Variants in COL6A3 observed in about 807,000 individuals in gnomAD.
COL6A3 encodes the protein collagen type VI alpha 3 chain.
Under a neutral mutation model 274.1 loss-of-function variants are expected in COL6A3, and 137 were observed. That is an observed-to-expected ratio of 0.50 (90% CI 0.44 to 0.58). The LOEUF is 0.58. Among genes scored for constraint, COL6A3 ranks in the 20% least tolerant of loss-of-function variants. The pLI is 0.00. For missense variants in COL6A3, 3,950 were observed against 4,124.9 expected (o/e 0.96, Z 1.16); for synonymous variants, 1,650 against 1,650.6 (o/e 1.00, Z 0.01).
chr2:237,383,248 A>G (rs147629673), intron 4 of COL6A3, among the ~76,000 whole-genome samples: 12 of 152,356 alleles, frequency 7.9e-5, no homozygotes, highest in African/African-American at 2.6e-4. Context: ...GACAAGGTCT[A>G]TGTTCTAAGA....
intron 2 of COL6A3, among the ~76,000 whole-genome samples, chr2:237,396,075 G>A (rs2106390265): frequency 6.6e-6 from 1 of 152,296 alleles, no homozygotes; most frequent in African/African-American, 2.4e-5. Context: ...AGAGCAACCT[G>A]GCCTGGAGGA....
At position 237,336,409 on chromosome 2, in the gene COL6A3, CACAGGCTTTGTTGTGGTGGTT is replaced by C. The variant is rs746284792; in HGVS notation, c.8670_8690del (p.Thr2892_Thr2898del). 343 of 1,614,238 alleles carry C rather than the reference CACAGGCTTTGTTGTGGTGGTT, an allele frequency of 2.1e-4. 4 individuals are homozygous for C. The South Asian group carries it at 3.5e-3, about 17-fold the overall frequency. On this transcript the variant is annotated inframe_deletion, in exon 40 of 44. Coordinates refer to ENST00000295550, the MANE Select transcript of COL6A3 (RefSeq NM_004369.4). ...TCACAGATGGCTGATTTATAATAGTCACAGGCTTTGTTGTGGTGGTTACAGGCTTTGTTGTGGTGGTCACCG... is the reference window on the plus strand; with the variant it reads ...TCACAGATGGCTGATTTATAATAGTCACAGGCTTTGTTGTGGTGGTCACCG...
intron 9 of COL6A3, among the ~76,000 whole-genome samples, chr2:237,369,554 C>T (rs2077635760): frequency 6.6e-6 from 1 of 152,166 alleles, no homozygotes; most frequent in Non-Finnish European, 1.5e-5. Flanking sequence ...CCACTGGGAT[C>T]TATATCTTTG....
chr2:237,351,097 C>A (rs1425030830), intron 27 of COL6A3, 33 bp downstream of exon 27: 1 of 1,611,050 alleles, frequency 6.2e-7, no homozygotes, highest in South Asian at 1.1e-5. Context: ...TGGTCCCTGT[C>A]CTCAGGAAAG....
chr2:237,334,977 T>C, intron 40 of COL6A3, 88 bp from the exon 41 acceptor site: 2 of 1,499,632 alleles, frequency 1.3e-6, no homozygotes, highest in Non-Finnish European at 1.9e-6. Context: ...GAAAGGGATG[T>C]GTTAACAGAC....
At chr2:237,375,060 G>C in intron 7 of COL6A3, 40 bp from the exon 8 acceptor site, 1 of 1,610,740 alleles carries the variant, frequency 6.2e-7, no homozygotes, top group Non-Finnish European at 8.5e-7. Context: ...CAGGACATCA[G>C]AGCAGCAATT....
intron 27 of COL6A3, among the ~76,000 whole-genome samples, chr2:237,350,805 C>T (rs2077190779): frequency 6.6e-6 from 1 of 152,216 alleles, no homozygotes; most frequent in African/African-American, 2.4e-5. Flanking sequence ...CCCGGCTGCT[C>T]TGATGGCTCA....
At chr2:237,328,215 G>C (rs533280492) in intron 42 of COL6A3, 1 of 152,400 alleles carries the variant, frequency 6.6e-6, no homozygotes, top group Non-Finnish European at 1.5e-5. Flanking sequence ...ACCACTGTCT[G>C]CTGAAACTTC....
chr2:237,329,025 C>T (rs1700091158), intron 42 of COL6A3: 1 of 152,144 alleles, frequency 6.6e-6, no homozygotes. Flanking sequence ...CAAAGGGTAC[C>T]AAGGAAACTT....
intron 16 of COL6A3, 43 bp from the exon 17 acceptor site, chr2:237,360,202 A>G (rs1184062849): frequency 1.3e-6 from 2 of 1,591,152 alleles, no homozygotes; most frequent in Non-Finnish European, 8.6e-7. Context: ...GGAGCCCTTC[A>G]TCACCCTTTC....
At chr2:237,325,963 A>G (rs1377462634) in intron 42 of COL6A3, 1 of 419,342 alleles carries the variant, frequency 2.4e-6, no homozygotes, top group Non-Finnish European at 4.2e-6. Flanking sequence ...GGCTTCATAA[A>G]CAGCACTCAG....
At chr2:237,337,756 T>C (rs555677943) in intron 39 of COL6A3, among the ~76,000 whole-genome samples, 1 of 152,172 alleles carries the variant, frequency 6.6e-6, no homozygotes, top group Non-Finnish European at 1.5e-5. Context: ...AGCCCTCTGT[T>C]ACATGCCCCC....
At chr2:237,377,581 C>T (rs920924715) in intron 6 of COL6A3, among the ~76,000 whole-genome samples, 3 of 152,210 alleles carry the variant, frequency 2.0e-5, no homozygotes, top group Non-Finnish European at 4.4e-5. Flanking sequence ...TAGCATCATG[C>T]TTCTTCAATA....
chr2:237,409,942 T>C (rs1048856087), intron 1 of COL6A3, among the ~76,000 whole-genome samples: 3 of 152,236 alleles, frequency 2.0e-5, no homozygotes, highest in East Asian at 1.9e-4. Context: ...ATGCAATTGT[T>C]TGGGAACAAA....
chr2:237,350,333 T>A (rs2077179705), intron 27 of COL6A3, 124 bp from the exon 28 acceptor site: 7 of 830,582 alleles, frequency 8.4e-6, no homozygotes, highest in Non-Finnish European at 1.4e-5. Context: ...GAGATTTCGG[T>A]GGAATGATTT....
At chr2:237,354,696 G>A (rs1053691402) in intron 24 of COL6A3, among the ~76,000 whole-genome samples, 4 of 152,082 alleles carry the variant, frequency 2.6e-5, no homozygotes, top group Admixed American at 6.5e-5. Flanking sequence ...GCTGTGCCCC[G>A]AACACCTTGG....
chr2:237,368,112 G>A lies in COL6A3; in HGVS notation c.4900+451C>T, dbSNP rs185308463. 8.7e-4 allele frequency among the ~76,000 whole-genome samples: 132 copies of A among 152,340 alleles called. No individual in the cohort carries two copies. Among genetic ancestry groups the A allele is most frequent in the Admixed American group, 7.8e-3 (120 of 15,304 alleles). ...CCCCAAAGACGAGAACCAGGAGCACGGGGTAGAAGCTGAGGTGGACGACTG... is the reference window on the plus strand; with the variant it reads ...CCCCAAAGACGAGAACCAGGAGCACAGGGTAGAAGCTGAGGTGGACGACTG... On this transcript the variant is annotated intron_variant, in intron 10 of 43. Coordinates refer to ENST00000295550, the MANE Select transcript of COL6A3 (RefSeq NM_004369.4). This position sits in a 1 kb window ranked among gnomAD's most constrained non-coding sequence, Gnocchi z 4.4.
At chr2:237,353,199 G>A (rs1455768806) in intron 25 of COL6A3, 142 bp downstream of exon 25, 2 of 802,428 alleles carry the variant, frequency 2.5e-6, no homozygotes, top group Non-Finnish European at 2.1e-6. Context: ...GGTGATGATT[G>A]CACAGCATTG....
intron 23 of COL6A3, 59 bp downstream of exon 23, chr2:237,357,279 G>T: frequency 6.9e-7 from 1 of 1,447,420 alleles, no homozygotes; most frequent in Non-Finnish European, 9.7e-7. Flanking sequence ...GTCATGTTGG[G>T]CAGATCTTAT....
Sources: gnomAD v4.1 joint callset for allele counts (sites outside exome capture counted in the v4.1 genomes callset) on GRCh38, gnomAD v4.1.1 for gene constraint, Gnocchi (gnomAD v3.1) non-coding constraint, MANE v1.5 for transcripts, NCBI Gene and HGNC (gene_info 2026-07-23, HGNC 2026-07-21) for gene names.